F2R: variants seen among roughly 807,000 people sequenced by gnomAD.
The protein encoded by F2R is coagulation factor II thrombin receptor, also known as proteinase-activated receptor 1.
In F2R, 12 loss-of-function variants were observed where a neutral mutation model predicts 18.3. That is an observed-to-expected ratio of 0.66 (90% CI 0.42 to 1.06). The LOEUF (loss-of-function observed/expected upper bound fraction) is 1.06, where lower values mean the gene tolerates loss of function less well. F2R is among the 50% of genes least tolerant of loss of function. The pLI, the probability that F2R is intolerant of heterozygous loss-of-function variation, is 0.00. For missense variants in F2R, 438 were observed against 530.8 expected (o/e 0.83, Z 1.72); for synonymous variants, 210 against 219.9 (o/e 0.95, Z 0.40).
rs756717676 is a variant in F2R, at chr5:76,733,023, C to T, written c.798C>T (p.Tyr266=). Residue 266 remains tyrosine (Y), a synonymous_variant, in exon 2 of 2, where the codon TAC becomes TAT. Coordinates refer to ENST00000319211, the MANE Select transcript of F2R (RefSeq NM_001992.5). ...TCAATGAAACCCTGCTCGAAGGCTA[C>T]TATGCCTACTACTTCTCAGCCTTCT... ...DVLNETLLEG[Y]YAYYFSAFSA... is the part of the protein sequence containing the mutation. 2.2e-5 allele frequency: 36 copies of T among 1,614,076 alleles called. 1 individual carries two copies. The highest frequency in any genetic ancestry group is 2.2e-4 in the Admixed American group (13 of 59,992).
chr5:76,718,819 G>T (rs187521313), intron 1 of F2R, among the ~76,000 whole-genome samples: 341 of 152,310 alleles, frequency 2.2e-3, no homozygotes, highest in South Asian at 8.1e-3. Context: ...GCTCTAGAGG[G>T]TTAAAGTGTT....
rs1748768111 is a variant in F2R, at chr5:76,735,560, A to G, written c.*2057A>G. On this transcript the variant is annotated 3_prime_UTR_variant, in exon 2 of 2. Transcript: ENST00000319211. ...GAATAACTTACATAAAAGTAATATA[A>G]CTGTATTGTAAGTAGAAGCTAGCAC... 1 of 152,206 alleles carries G rather than the reference A, an allele frequency of 6.6e-6. No homozygotes were observed. The highest frequency in any genetic ancestry group is 2.1e-4 in the South Asian group (1 of 4,828). The allele number at this position is 152,206 out of a possible 1,614,324, so 9.4% of individuals were successfully genotyped here.
intron 1 of F2R, among the ~76,000 whole-genome samples, chr5:76,727,402 A>G (rs1312846115): frequency 2.0e-5 from 3 of 152,254 alleles, no homozygotes; most frequent in Non-Finnish European, 4.4e-5. Flanking sequence ...TGCAGGGCAC[A>G]GGGTACTGGA....
At chr5:76,720,525 T>C (rs1367307781) in intron 1 of F2R, among the ~76,000 whole-genome samples, 1 of 152,082 alleles carries the variant, frequency 6.6e-6, no homozygotes, top group Non-Finnish European at 1.5e-5. Context: ...AGAATTCACA[T>C]AACATAAAAT....
chr5:76,728,455 T>G (rs1305886906), intron 1 of F2R, among the ~76,000 whole-genome samples: 1 of 152,214 alleles, frequency 6.6e-6, no homozygotes, highest in African/African-American at 2.4e-5. Flanking sequence ...TATTTGTCTT[T>G]CGGTGCCTGC....
chr5:76,718,078 A>G (rs1186778654), intron 1 of F2R, among the ~76,000 whole-genome samples: 1 of 152,178 alleles, frequency 6.6e-6, no homozygotes, highest in Admixed American at 6.5e-5. Context: ...TTCCATGTCA[A>G]GCCCTGGGCC....
intron 1 of F2R, among the ~76,000 whole-genome samples, chr5:76,727,605 C>T (rs1748587981): frequency 6.6e-6 from 1 of 152,184 alleles, no homozygotes; most frequent in Admixed American, 6.5e-5. Flanking sequence ...CTACCAGGCT[C>T]TGCTCTGCTG....
intron 1 of F2R, among the ~76,000 whole-genome samples, chr5:76,729,491 A>G (rs564111456): frequency 2.6e-5 from 4 of 152,322 alleles, no homozygotes; most frequent in Admixed American, 2.6e-4. Flanking sequence ...TTTGCTGTGC[A>G]GAAGCTTTTT....
chr5:76,724,639 A>T lies in F2R; in HGVS notation c.89-7675A>T, dbSNP rs1390033305. ...ATCTGGCTGACTGCGTCTTCAACTC[A>T]TGGATCTTAACATGTATGAAATGTT... On this transcript the variant is annotated intron_variant, in intron 1 of 1. Coordinates refer to ENST00000319211, the MANE Select transcript of F2R (RefSeq NM_001992.5). Among the ~76,000 whole-genome samples the T allele has an allele frequency of 2.6e-5, 4 of 152,268 alleles. No homozygotes were observed. In the East Asian group the frequency reaches 7.7e-4, roughly 29 times the overall value.
chr5:76,730,924 A>G (rs932708559), intron 1 of F2R, among the ~76,000 whole-genome samples: 1 of 152,226 alleles, frequency 6.6e-6, no homozygotes, highest in Non-Finnish European at 1.5e-5. Context: ...GAACAGCCAC[A>G]TGGTAGAGAT....
intron 1 of F2R, among the ~76,000 whole-genome samples, chr5:76,729,863 C>T (rs1748637519): frequency 6.6e-6 from 1 of 152,068 alleles, no homozygotes; most frequent in Admixed American, 6.5e-5. Flanking sequence ...CGGGTCTTTC[C>T]TGTGTTGTTG....
intron 1 of F2R, among the ~76,000 whole-genome samples, chr5:76,731,453 A>G (rs978225735): frequency 2.0e-5 from 3 of 151,894 alleles, no homozygotes; most frequent in Non-Finnish European, 4.4e-5. Flanking sequence ...CAGCCTGGGC[A>G]ACAGAGTGAG....
intron 1 of F2R, among the ~76,000 whole-genome samples, chr5:76,720,202 C>T (rs1209647000): frequency 6.6e-6 from 1 of 152,134 alleles, no homozygotes; most frequent in African/African-American, 2.4e-5. Context: ...GTAATCCCAG[C>T]ACTTTGGGAA....
Position 76,732,998 on chromosome 5 carries a change from T to C in F2R, c.773T>C (p.Leu258Pro), listed in dbSNP as rs1411726637. ...GLNITTCHDV[L>P]NETLLEGYYA... ...AACATCACTACCTGTCATGATGTGC[T>C]CAATGAAACCCTGCTCGAAGGCTAC... is the stretch of plus-strand genomic sequence containing the variant. Residue 258 changes from leucine to proline, a missense_variant, in exon 2 of 2, where the codon CTC (leucine) becomes CCC (proline). Physicochemically the swap from Leu to Pro is moderately conservative, Grantham distance 98 (BLOSUM62 -3). Transcript: ENST00000319211. The C allele has an allele frequency of 1.9e-6, 3 of 1,614,176 alleles. No homozygotes were observed. Among genetic ancestry groups the C allele is most frequent in the Middle Eastern group, 1.6e-4 (1 of 6,062 alleles).
Position 76,732,860 on chromosome 5 carries a change from C to G in F2R, c.635C>G (p.Ser212Cys), listed in dbSNP as rs1392319957. Reference sequence around the variant, plus strand: ...GTGGTGTATCCCATGCAGTCCCTCTCCTGGCGTACTCTGGGAAGGGCTTCC... The same window carrying G: ...GTGGTGTATCCCATGCAGTCCCTCTGCTGGCGTACTCTGGGAAGGGCTTCC... ...LAVVYPMQSL[S>C]WRTLGRASFT... is the part of the protein sequence containing the mutation. The change falls in exon 2 of 2, where the codon TCC becomes TGC. Residue 212 changes from serine (S) to cysteine (C), a missense_variant. Coordinates refer to ENST00000319211, the MANE Select transcript of F2R (RefSeq NM_001992.5). 6.2e-7 allele frequency: 1 copy of G among 1,614,066 alleles called. No homozygotes were observed. Among genetic ancestry groups the G allele is most frequent in the East Asian group, 2.2e-5 (1 of 44,884 alleles).
In F2R at chr5:76,731,797, G is replaced by A. The variant is rs185205865; in HGVS notation, c.89-517G>A. Among the ~76,000 whole-genome samples, 9 of 152,176 alleles carry A rather than the reference G, an allele frequency of 5.9e-5. No individual in the cohort carries two copies. The East Asian group carries it at 1.7e-3, about 30-fold the overall frequency. On this transcript the variant is annotated intron_variant, in intron 1 of 1. Coordinates refer to ENST00000319211, the MANE Select transcript of F2R (RefSeq NM_001992.5). Reference sequence around the variant, plus strand: ...CCCACCTCGGACTCCCAAAGTGCTGGGATTACAGACGTGACCCACTGTGCC... The same window carrying A: ...CCCACCTCGGACTCCCAAAGTGCTGAGATTACAGACGTGACCCACTGTGCC...
At position 76,734,662 on chromosome 5, in the gene F2R, AAGAC is replaced by A. The variant is rs1402033177; in HGVS notation, c.*1163_*1166del. On this transcript the variant is annotated 3_prime_UTR_variant, in exon 2 of 2. Transcript: ENST00000319211. ...AGGTGCTGAGTGTACAGAGTGGAAT[AAGAC>A]AGAGACCTGCCCTCAAGAGCAAAGT... 6.6e-6 allele frequency: 1 copy of A among 152,326 alleles called. No homozygotes were observed. Among genetic ancestry groups the A allele is most frequent in the Non-Finnish European group, 1.5e-5 (1 of 68,050 alleles). 9.4% of individuals were successfully genotyped at this position (152,326 alleles called of 1,614,324 possible).
At chr5:76,719,086 A>G (rs1231805420) in intron 1 of F2R, among the ~76,000 whole-genome samples, 1 of 152,152 alleles carries the variant, frequency 6.6e-6, no homozygotes, top group Non-Finnish European at 1.5e-5. Flanking sequence ...TCTGGCCAGA[A>G]TGCCCTCCCC....
intron 1 of F2R, among the ~76,000 whole-genome samples, chr5:76,719,589 A>T (rs1265113047): frequency 1.4e-5 from 1 of 71,402 alleles, no homozygotes; most frequent in Non-Finnish European, 2.6e-5. Flanking sequence ...ACTCTCTCTC[A>T]AAAAAAAAAA....
Sources: allele counts gnomAD v4.1 joint callset (sites outside exome capture counted in the v4.1 genomes callset), GRCh38; gene constraint gnomAD v4.1.1; transcripts MANE v1.5; gene names NCBI Gene and HGNC (gene_info 2026-07-23, HGNC 2026-07-21).